DLGAP2: variants seen among roughly 807,000 people sequenced by gnomAD.
The protein encoded by DLGAP2 is DLG associated protein 2, also known as disks large-associated protein 2.
A neutral mutation model predicts 100.3 loss-of-function variants in DLGAP2; 26 were observed. The observed-to-expected ratio is 0.26, with a 90% CI of 0.19 to 0.36. DLGAP2 has a LOEUF of 0.36. DLGAP2 is among the 10% of genes least tolerant of loss of function. The probability of loss-of-function intolerance (pLI) is 1.00; values close to 1 mark genes in which losing one functional copy is unlikely to be tolerated. For missense variants in DLGAP2, 1,858 were observed against 1,453.2 expected, an observed-to-expected ratio of 1.28 and a Z score of -4.53; for synonymous variants, 886 against 630.1, an observed-to-expected ratio of 1.41 and a Z score of -6.08.
rs555116674 is a variant in DLGAP2 at position 1,645,278 on chromosome 8, A to G, written c.1810+12232A>G. Among the ~76,000 whole-genome samples, 303 of 152,362 alleles carry G rather than the reference A, an allele frequency of 2.0e-3. 1 individual carries two copies. Among genetic ancestry groups the G allele is most frequent in the Non-Finnish European group, 3.6e-3 (243 of 68,034 alleles). On this transcript the variant is annotated intron_variant, in intron 8 of 14. Transcript: ENST00000637795. The stretch of plus-strand genomic sequence containing the variant: ...GAAACCATACTCTGAGTGCCCACAC[A>G]ACCATTCTGTTTTTCACCTTCAGTA...
intron 1 of DLGAP2, among the ~76,000 whole-genome samples, chr8:837,993 C>CT: frequency 6.6e-6 from 1 of 150,698 alleles, no homozygotes; most frequent in African/African-American, 2.4e-5. Context: ...TCCCAAAGTG[C>CT]TGGGGTTACA....
intron 4 of DLGAP2, among the ~76,000 whole-genome samples, chr8:1,546,493 C>T (rs562085869): frequency 1.7e-4 from 26 of 152,352 alleles, no homozygotes; most frequent in African/African-American, 5.5e-4. Flanking sequence ...CTGGCCCAGA[C>T]GGCTGGCCGT....
chr8:838,723 T>G (rs1353278409), intron 1 of DLGAP2, among the ~76,000 whole-genome samples: 1 of 152,088 alleles, frequency 6.6e-6, no homozygotes, highest in East Asian at 1.9e-4. Context: ...CCCTTAAGAC[T>G]CAAAAGAACA....
At chr8:1,028,650 G>T (rs1326383050) in intron 2 of DLGAP2, among the ~76,000 whole-genome samples, 1 of 152,242 alleles carries the variant, frequency 6.6e-6, no homozygotes, top group African/African-American at 2.4e-5. Context: ...GGATGCTCAC[G>T]GGGCTGGAGA....
chr8:1,585,410 G>A (rs1796086491), intron 6 of DLGAP2, among the ~76,000 whole-genome samples: 1 of 152,192 alleles, frequency 6.6e-6, no homozygotes, highest in South Asian at 2.1e-4. Context: ...GTTGCAGTGA[G>A]CTGAGATTGC....
intron 2 of DLGAP2, among the ~76,000 whole-genome samples, chr8:973,775 C>T (rs1038800289): frequency 3.6e-4 from 55 of 151,972 alleles, no homozygotes; most frequent in African/African-American, 1.0e-3. Flanking sequence ...CGCGGCTGAG[C>T]GGAGGCGAAT....
intron 3 of DLGAP2, among the ~76,000 whole-genome samples, chr8:1,327,098 C>A (rs1298416017): frequency 1.3e-5 from 2 of 152,252 alleles, no homozygotes; most frequent in African/African-American, 4.8e-5. Flanking sequence ...CGTGGCCCAG[C>A]CGTCTCCTGA....
At chr8:1,067,749 C>T (rs888686393) in intron 2 of DLGAP2, among the ~76,000 whole-genome samples, 1 of 151,750 alleles carries the variant, frequency 6.6e-6, no homozygotes, top group African/African-American at 2.4e-5. Flanking sequence ...TCCCTCGTGA[C>T]CCAGTCCCCT....
At chr8:1,639,505 A>C in intron 8 of DLGAP2, among the ~76,000 whole-genome samples, 1 of 152,184 alleles carries the variant, frequency 6.6e-6, no homozygotes, top group East Asian at 1.9e-4. Flanking sequence ...GGTGTCCATA[A>C]GCCCTGCACA....
At chr8:1,128,798 C>G (rs2129048769) in intron 2 of DLGAP2, among the ~76,000 whole-genome samples, 1 of 152,344 alleles carries the variant, frequency 6.6e-6, no homozygotes, top group Admixed American at 6.5e-5. Flanking sequence ...AAATCAGTCT[C>G]TGTTAAGAGA....
rs147842534 is a variant in DLGAP2, at chr8:1,606,236, G to A, written c.1443-20504G>A. On this transcript the variant is annotated intron_variant, in intron 6 of 14. Transcript: ENST00000637795. ...CATAAAGCTAAATAGAGTGCTCTTCGTATCTTATTTTCCTCCTTTATTGAG... is the reference window on the plus strand; with the variant it reads ...CATAAAGCTAAATAGAGTGCTCTTCATATCTTATTTTCCTCCTTTATTGAG... 2.9e-4 allele frequency among the ~76,000 whole-genome samples: 44 copies of A among 152,198 alleles called. No homozygotes were observed. The East Asian group carries it at 6.9e-3, about 24-fold the overall frequency.
intron 3 of DLGAP2, among the ~76,000 whole-genome samples, chr8:1,306,293 A>G (rs922775038): frequency 2.0e-5 from 3 of 152,160 alleles, no homozygotes; most frequent in East Asian, 1.9e-4. Context: ...TCCAAATACT[A>G]TCAGAATGAA....
intron 4 of DLGAP2, among the ~76,000 whole-genome samples, chr8:1,528,344 G>A (rs995576430): frequency 6.6e-6 from 1 of 152,230 alleles, no homozygotes; most frequent in Non-Finnish European, 1.5e-5. Flanking sequence ...GGCCTGGAGT[G>A]AACAGGGCAT....
intron 2 of DLGAP2, among the ~76,000 whole-genome samples, chr8:1,253,217 A>C (rs1018686916): frequency 6.6e-6 from 1 of 152,216 alleles, no homozygotes; most frequent in Non-Finnish European, 1.5e-5. Flanking sequence ...GAGGAGCTCC[A>C]GCCAAGGCCC....
intron 3 of DLGAP2, among the ~76,000 whole-genome samples, chr8:1,432,901 G>T (rs73172534): frequency 0.21 from 32,211 of 152,126 alleles, 3,835 homozygotes; most frequent in Middle Eastern, 0.29. Flanking sequence ...CCAGAGACCA[G>T]AGACCCTGGG....
chr8:745,005 G>T (rs888533737), intron 1 of DLGAP2, among the ~76,000 whole-genome samples: 1 of 152,138 alleles, frequency 6.6e-6, no homozygotes, highest in Non-Finnish European at 1.5e-5. Context: ...CACACCTGCC[G>T]CAGGGTTTTA....
chr8:948,093 C>T (rs149585894), intron 2 of DLGAP2, among the ~76,000 whole-genome samples: 2 of 150,758 alleles, frequency 1.3e-5, no homozygotes, highest in African/African-American at 2.4e-5. Flanking sequence ...TGCCAGCCCG[C>T]GTGCGCCATG....
chr8:768,248 C>T (rs1168214049), intron 1 of DLGAP2, among the ~76,000 whole-genome samples: 1 of 152,100 alleles, frequency 6.6e-6, no homozygotes, highest in Non-Finnish European at 1.5e-5. Flanking sequence ...TAGCTGAGCC[C>T]TGCCTTTTGT....
Position 1,428,640 on chromosome 8 carries a change from T to A in DLGAP2, c.107-72726T>A, listed in dbSNP as rs1245266894. On this transcript the variant is annotated intron_variant, in intron 3 of 14. Transcript: ENST00000637795. Reference sequence around the variant, plus strand: ...CAGAAGTATGCCTATGTATACCTAATAAATATGCATGTGCCCATACTTTTA... The same window carrying A: ...CAGAAGTATGCCTATGTATACCTAAAAAATATGCATGTGCCCATACTTTTA... 3.3e-5 allele frequency among the ~76,000 whole-genome samples: 5 copies of A among 152,346 alleles called. No individual in the cohort carries two copies. In the East Asian group the frequency reaches 9.6e-4, roughly 29 times the overall value.
Sources: allele counts gnomAD v4.1 joint callset (sites outside exome capture counted in the v4.1 genomes callset), GRCh38; gene constraint gnomAD v4.1.1; transcripts MANE v1.5; gene names NCBI Gene and HGNC (gene_info 2026-07-23, HGNC 2026-07-21).